The following OR2L13 variants were observed in gnomAD, a reference collection of about 807,000 sequenced individuals.
OR2L13 encodes olfactory receptor family 2 subfamily L member 13.
In OR2L13, 14 loss-of-function variants were observed where a neutral mutation model predicts 15.3. The observed-to-expected ratio is 0.91, with a 90% CI of 0.60 to 1.43. The LOEUF (loss-of-function observed/expected upper bound fraction) is 1.43, where lower values mean the gene tolerates loss of function less well. OR2L13 is among the 40% of genes most tolerant of loss of function. The pLI, the probability that OR2L13 is intolerant of heterozygous loss-of-function variation, is 0.00. For synonymous variants in OR2L13, 152 were observed against 142.9 expected, an observed-to-expected ratio of 1.06 and a Z score of -0.45; for missense variants, 367 against 387.9, an observed-to-expected ratio of 0.95 and a Z score of 0.45.
the OR2L13 span, among the ~76,000 whole-genome samples, chr1:248,025,604 T>C: frequency 6.7e-6 from 1 of 148,428 alleles, no homozygotes; most frequent in Admixed American, 6.6e-5. Context: ...ACTGGGTATA[T>C]ACCCAAATGA....
chr1:248,011,868 G>A, the OR2L13 span, among the ~76,000 whole-genome samples: 1 of 152,128 alleles, frequency 6.6e-6, no homozygotes, highest in African/African-American at 2.4e-5. Context: ...TGACAGGCCT[G>A]TACCACTGTG....
the OR2L13 span, among the ~76,000 whole-genome samples, chr1:247,980,189 C>T: frequency 2.6e-5 from 4 of 151,888 alleles, no homozygotes; most frequent in Non-Finnish European, 5.9e-5. Flanking sequence ...AGTATTATAC[C>T]ACAATCAATA....
the OR2L13 span, chr1:247,965,440 T>C: frequency 6.2e-7 from 1 of 1,613,724 alleles, no homozygotes; most frequent in East Asian, 2.2e-5. Context: ...CCAATATGGC[T>C]GGATAAACTC....
At chr1:247,966,303 A>G in the OR2L13 span, 1 of 1,613,480 alleles carries the variant, frequency 6.2e-7, no homozygotes, top group African/African-American at 1.3e-5. Flanking sequence ...GATATTGGAT[A>G]TGCTGTAGAA....
At chr1:248,028,496 CTGTT>C in the OR2L13 span, among the ~76,000 whole-genome samples, 12 of 152,332 alleles carry the variant, frequency 7.9e-5, no homozygotes, top group South Asian at 6.2e-4. Context: ...ATTTAAAAAT[CTGTT>C]TGACTTAATG....
the OR2L13 span, chr1:248,038,859 G>T: frequency 2.5e-6 from 4 of 1,614,174 alleles, no homozygotes; most frequent in Non-Finnish European, 3.4e-6. Context: ...TGAGAGCACA[G>T]TGTTTTTGAG....
At chr1:247,951,328 T>C in the OR2L13 span, among the ~76,000 whole-genome samples, 1,301 of 152,298 alleles carry the variant, frequency 8.5e-3, 27 homozygotes, top group Non-Finnish European at 8.8e-3. Context: ...GCAGATGTCA[T>C]TGGTATTTTG....
At chr1:248,053,199 G>C in the OR2L13 span, among the ~76,000 whole-genome samples, 11 of 152,152 alleles carry the variant, frequency 7.2e-5, no homozygotes, top group Non-Finnish European at 4.4e-5. Context: ...GCGAGAATAT[G>C]CAGTATTTAG....
chr1:247,969,754 G>A, the OR2L13 span, among the ~76,000 whole-genome samples: 1 of 152,164 alleles, frequency 6.6e-6, no homozygotes, highest in Non-Finnish European at 1.5e-5. Flanking sequence ...AGAGCCTGAA[G>A]CTAAGGGCTT....
the OR2L13 span, chr1:247,966,193 G>A: frequency 6.2e-7 from 1 of 1,613,922 alleles, no homozygotes; most frequent in East Asian, 2.2e-5. Context: ...ACGGGATAAG[G>A]CGGTGGCAGT....
At chr1:248,023,014 A>G in the OR2L13 span, 1 of 905,926 alleles carries the variant, frequency 1.1e-6, no homozygotes, top group Non-Finnish European at 1.6e-6. Context: ...TTGTCTTTTA[A>G]TTTAGTCTTG....
the OR2L13 span, among the ~76,000 whole-genome samples, chr1:248,051,804 T>C: frequency 3.9e-5 from 6 of 152,156 alleles, no homozygotes; most frequent in Non-Finnish European, 7.4e-5. Flanking sequence ...TTTATTTCAT[T>C]CAGAACTAAA....
At chr1:248,043,484 A>G in the OR2L13 span, among the ~76,000 whole-genome samples, 17 of 152,168 alleles carry the variant, frequency 1.1e-4, no homozygotes, top group African/African-American at 3.4e-4. Flanking sequence ...GGGAGAAGAA[A>G]AGAGTAGACA....
chr1:247,951,100 T>A, the OR2L13 span, among the ~76,000 whole-genome samples: 1 of 152,188 alleles, frequency 6.6e-6, no homozygotes, highest in Non-Finnish European at 1.5e-5. Flanking sequence ...TAGCTAGAGA[T>A]ACGTGGATTT....
At chr1:248,039,412 TTTTGTTTG>T in the OR2L13 span, 2 of 389,814 alleles carry the variant, frequency 5.1e-6, no homozygotes, top group Non-Finnish European at 9.0e-6. Context: ...TGTGTGTGGT[TTTTGTTTG>T]TTTGTTTGTT....
chr1:247,951,652 T>C, the OR2L13 span, among the ~76,000 whole-genome samples: 1 of 152,240 alleles, frequency 6.6e-6, no homozygotes, highest in Non-Finnish European at 1.5e-5. Flanking sequence ...TTTTTGTGTT[T>C]TGCTGCAATG....
chr1:248,053,711 ATGT>A, the OR2L13 span, among the ~76,000 whole-genome samples: 1 of 152,132 alleles, frequency 6.6e-6, no homozygotes, highest in Non-Finnish European at 1.5e-5. Context: ...ATGATCAGTG[ATGT>A]TGTGCTTTTT....
chr1:248,083,568 G>A, the OR2L13 span: 3 of 1,060,582 alleles, frequency 2.8e-6, no homozygotes, highest in African/African-American at 3.2e-5. Context: ...AACTACTAAA[G>A]GGAGAGAATT....
At chr1:247,949,706 G>A in the OR2L13 span, 1 of 1,613,770 alleles carries the variant, frequency 6.2e-7, no homozygotes, top group Non-Finnish European at 8.5e-7. Flanking sequence ...TCACCCCAAT[G>A]CTCAACCCCA....
Sources: gnomAD v4.1 joint callset for allele counts (sites outside exome capture counted in the v4.1 genomes callset) on GRCh38, gnomAD v4.1.1 for gene constraint, MANE v1.5 for transcripts, NCBI Gene and HGNC (gene_info 2026-07-23, HGNC 2026-07-21) for gene names.